The following VPS54 variants were observed in gnomAD, a reference collection of about 807,000 sequenced individuals.
VPS54 encodes vacuolar protein sorting-associated protein 54.
VPS54 carries 45 observed loss-of-function variants against 121.5 expected under a neutral mutation model. That is an observed-to-expected ratio of 0.37 (90% CI 0.29 to 0.47). The LOEUF is 0.47. Ranked by LOEUF, VPS54 falls within the 20% of genes least tolerant of loss-of-function variation. VPS54 has a pLI of 0.99. For missense variants in VPS54, 1,090 were observed against 1,131.4 expected, an observed-to-expected ratio of 0.96 and a Z score of 0.52; for synonymous variants, 371 against 385.8, an observed-to-expected ratio of 0.96 and a Z score of 0.45.
chr2:63,960,878 T>C (rs1352610875), intron 7 of VPS54, among the ~76,000 whole-genome samples: 1 of 152,184 alleles, frequency 6.6e-6, no homozygotes, highest in African/African-American at 2.4e-5. Flanking sequence ...CAAAATTGAT[T>C]GCAAAATTTT....
chr2:63,981,630 C>A lies in VPS54; in HGVS notation c.378+16G>T. 1 of 1,547,382 alleles carries A rather than the reference C, an allele frequency of 6.5e-7. No homozygotes were observed. The highest frequency in any genetic ancestry group is 8.7e-7 in the Non-Finnish European group (1 of 1,148,822). On this transcript the variant is annotated intron_variant, in intron 3 of 22. Transcript: ENST00000272322. ...TACTTTTGACCTGACTGTAACTAGC[C>A]AAGATTAGATATTACCTGAGAGATT...
At chr2:63,955,499 C>T (rs952747108) in intron 7 of VPS54, among the ~76,000 whole-genome samples, 16 of 151,952 alleles carry the variant, frequency 1.1e-4, no homozygotes, top group Non-Finnish European at 1.9e-4. Flanking sequence ...AAAACTTTCC[C>T]TCATTTCGGC....
At chr2:63,996,743 A>C (rs1000987424) in intron 1 of VPS54, among the ~76,000 whole-genome samples, 1 of 152,140 alleles carries the variant, frequency 6.6e-6, no homozygotes, top group African/African-American at 2.4e-5. Context: ...GCAGTTGTAG[A>C]TAGGGATGAA....
chr2:63,975,959 G>C (rs995985078), intron 3 of VPS54, among the ~76,000 whole-genome samples: 2 of 152,178 alleles, frequency 1.3e-5, no homozygotes, highest in Non-Finnish European at 2.9e-5. Context: ...TGGCCAGGCT[G>C]GTCTCAAGTC....
intron 1 of VPS54, among the ~76,000 whole-genome samples, chr2:64,004,728 G>A (rs1027107528): frequency 8.5e-5 from 13 of 152,078 alleles, no homozygotes; most frequent in African/African-American, 1.7e-4. Context: ...ACACTACAAT[G>A]GACAATTATA....
chr2:63,940,269 T>A (rs2104504659), intron 11 of VPS54, among the ~76,000 whole-genome samples: 1 of 152,304 alleles, frequency 6.6e-6, no homozygotes, highest in South Asian at 2.1e-4. Context: ...ACATTATTTT[T>A]CAGTGAAGTA....
chr2:63,941,926 C>A (rs534356713), intron 11 of VPS54, among the ~76,000 whole-genome samples: 1 of 149,380 alleles, frequency 6.7e-6, no homozygotes, highest in South Asian at 2.1e-4. Context: ...CCTAGCTACT[C>A]GGGAGGCTGA....
At chr2:63,953,846 G>A (rs865914101) in intron 7 of VPS54, among the ~76,000 whole-genome samples, 4 of 152,116 alleles carry the variant, frequency 2.6e-5, no homozygotes, top group Non-Finnish European at 4.4e-5. Context: ...TTACATATGC[G>A]TCTCCTTTTA....
intron 1 of VPS54, among the ~76,000 whole-genome samples, chr2:63,986,033 T>C (rs2104626761): frequency 6.6e-6 from 1 of 152,334 alleles, no homozygotes; most frequent in Middle Eastern, 3.4e-3. Context: ...CCATGTTAAC[T>C]TTCTCATTAA....
At chr2:63,975,159 C>T (rs753407402) in intron 3 of VPS54, 6 of 767,884 alleles carry the variant, frequency 7.8e-6, no homozygotes, top group Non-Finnish European at 1.2e-5. Flanking sequence ...GATTCTCATG[C>T]CTCAGCCTCC....
intron 13 of VPS54, among the ~76,000 whole-genome samples, 163 bp downstream of exon 13, chr2:63,921,043 A>G (rs560874690): frequency 1.3e-5 from 2 of 152,314 alleles, no homozygotes; most frequent in East Asian, 1.9e-4. Context: ...AGATTACTTC[A>G]TATCTCAACA....
At chr2:64,009,878 G>A (rs1678347923) in intron 1 of VPS54, among the ~76,000 whole-genome samples, 1 of 148,020 alleles carries the variant, frequency 6.8e-6, no homozygotes, top group Admixed American at 6.8e-5. Flanking sequence ...GTCTCGCTCT[G>A]TCACTCAGGC....
In VPS54 at chr2:63,921,278, G is replaced by T. The variant is rs1194070390; in HGVS notation, c.1797C>A (p.Ile599=). ...DSELGKLANN[I]QELLYSASDI... The stretch of plus-strand genomic sequence containing the variant: ...CTGAGGCACTATATAATAATTCCTG[G>T]ATATTATTTGCCAGCTTTCCTAGCT... The change falls in exon 13 of 23, where the codon ATC becomes ATA. Residue 599 remains isoleucine (I), a synonymous_variant. Coordinates refer to ENST00000272322, the MANE Select transcript of VPS54 (RefSeq NM_016516.3). 3 of 1,612,934 alleles carry T rather than the reference G, an allele frequency of 1.9e-6. No homozygotes were observed. The African/African-American group carries it at 4.0e-5, about 22-fold the overall frequency.
chr2:63,904,464 A>G (rs76149199), intron 20 of VPS54, among the ~76,000 whole-genome samples: 4 of 148,498 alleles, frequency 2.7e-5, no homozygotes, highest in African/African-American at 9.8e-5. Context: ...AAAAAAAAAA[A>G]GGGAGATCAC....
chr2:63,999,616 G>GATA (rs1415933433), intron 1 of VPS54, among the ~76,000 whole-genome samples: 4 of 151,978 alleles, frequency 2.6e-5, no homozygotes, highest in African/African-American at 4.8e-5. Context: ...CTTGTACTTG[G>GATA]ATATTAATAT....
intron 1 of VPS54, among the ~76,000 whole-genome samples, chr2:63,988,070 T>C (rs1216440542): frequency 6.6e-6 from 1 of 152,178 alleles, no homozygotes; most frequent in Non-Finnish European, 1.5e-5. Flanking sequence ...ATAACTGTAG[T>C]GAAAGTGGGC....
intron 1 of VPS54, among the ~76,000 whole-genome samples, chr2:63,998,248 T>C (rs76383361): frequency 0.026 from 4,021 of 152,290 alleles, 89 homozygotes; most frequent in Non-Finnish European, 0.039. Context: ...TTTTGTCTGA[T>C]AACTACTAGA....
chr2:63,942,231 T>A (rs1212062781), intron 11 of VPS54, among the ~76,000 whole-genome samples: 3 of 152,032 alleles, frequency 2.0e-5, no homozygotes. Context: ...TAATATTTAA[T>A]GTAAAGTAAG....
chr2:63,962,291 A>G lies in VPS54; in HGVS notation c.777T>C (p.Ile259=). ...SQAVKMLRDK[I]AQIDKVMCEG... is the part of the protein sequence containing the mutation. ...CACACATTACTTTATCAATCTGTGC[A>G]ATTTTATCTCGAAGCATTTTTACAG... is the stretch of plus-strand genomic sequence containing the variant. Residue 259 remains isoleucine (I), a synonymous_variant, in exon 7 of 23, where the codon ATT becomes ATC. Transcript: ENST00000272322. 1 of 1,614,052 alleles carries G rather than the reference A, an allele frequency of 6.2e-7. No individual in the cohort carries two copies. The highest frequency in any genetic ancestry group is 8.5e-7 in the Non-Finnish European group (1 of 1,179,948).
Sources: allele counts gnomAD v4.1 joint callset (sites outside exome capture counted in the v4.1 genomes callset), GRCh38; gene constraint gnomAD v4.1.1; transcripts MANE v1.5; gene names NCBI Gene and HGNC (gene_info 2026-07-23, HGNC 2026-07-21).